The following TENM4 variants were observed in gnomAD, a reference collection of about 807,000 sequenced individuals.
TENM4 encodes the protein teneurin transmembrane protein 4.
TENM4 carries 82 observed loss-of-function variants against 243.3 expected under a neutral mutation model. The observed-to-expected ratio is 0.34, with a 90% confidence interval of 0.28 to 0.40. The LOEUF (loss-of-function observed/expected upper bound fraction) is 0.40. Among genes scored for constraint, TENM4 ranks in the 10% least tolerant of loss-of-function variants. The pLI is 1.00. For missense variants in TENM4, 3,138 were observed against 3,673.3 expected (o/e 0.85, Z 3.77); for synonymous variants, 1,412 against 1,456.3 (o/e 0.97, Z 0.69).
Position 79,437,427 on chromosome 11 carries a change from C to T in TENM4, c.-321+3082G>A, listed in dbSNP as rs575631210. Among the ~76,000 whole-genome samples, 4 of 152,296 alleles carry T rather than the reference C, an allele frequency of 2.6e-5. No individual in the cohort carries two copies. In the East Asian group the frequency reaches 7.8e-4, roughly 30 times the overall value. On this transcript the variant is annotated intron_variant, in intron 1 of 33. Coordinates refer to ENST00000278550, the MANE Select transcript of TENM4 (RefSeq NM_001098816.3). ...GCCGGGGACGGGAGAAAGGCGCGGC[C>T]GGGACCCTGCACTGTGCCGCGCGGC...
At chr11:79,074,387 T>G (rs1373153491) in intron 4 of TENM4, among the ~76,000 whole-genome samples, 1 of 152,228 alleles carries the variant, frequency 6.6e-6, no homozygotes, top group East Asian at 1.9e-4. Context: ...GGGGCCCACC[T>G]CAGACCCTGC....
chr11:78,746,952 G>A (rs1188288966), intron 19 of TENM4, among the ~76,000 whole-genome samples: 1 of 152,208 alleles, frequency 6.6e-6, no homozygotes, highest in Non-Finnish European at 1.5e-5. Context: ...GGACAGGGCA[G>A]GTCCTGCTTC....
At chr11:79,136,127 C>T (rs892470093) in intron 4 of TENM4, among the ~76,000 whole-genome samples, 1 of 151,910 alleles carries the variant, frequency 6.6e-6, no homozygotes, top group Non-Finnish European at 1.5e-5. Context: ...TCTCACAAAT[C>T]ACCACTAAAG....
chr11:79,242,992 GGGGCTAGGAA>G (rs1855450648), intron 2 of TENM4, among the ~76,000 whole-genome samples: 1 of 152,250 alleles, frequency 6.6e-6, no homozygotes. Flanking sequence ...TCGGGGCCTG[GGGGCTAGGAA>G]GGGTTTTCAT....
At position 79,203,347 on chromosome 11, in the gene TENM4, G is replaced by A. The variant is rs554898835; in HGVS notation, c.-163+12461C>T. Among the ~76,000 whole-genome samples, 3 of 152,254 alleles carry A rather than the reference G, an allele frequency of 2.0e-5. No homozygotes were observed. In the South Asian group the frequency reaches 6.2e-4, roughly 32 times the overall value. On this transcript the variant is annotated intron_variant, in intron 3 of 33. Transcript: ENST00000278550. ...CAACATTATTCATAATAGCATAAAG[G>A]TGAAAACAACCCAAATGTCCATCAG...
At chr11:78,990,063 T>TAAAAAAAAAAAAAAAAAAAAAAAAAAA (rs780530657) in intron 6 of TENM4, among the ~76,000 whole-genome samples, 1 of 139,006 alleles carries the variant, frequency 7.2e-6, no homozygotes, top group African/African-American at 2.7e-5. Context: ...AGGCTTTGTT[T>TAAAAAAAAAAAAAAAAAAAAAAAAAAA]AAAAAAAAAA....
At chr11:79,023,093 A>C (rs886231189) in intron 6 of TENM4, among the ~76,000 whole-genome samples, 2 of 152,130 alleles carry the variant, frequency 1.3e-5, no homozygotes, top group Non-Finnish European at 2.9e-5. Context: ...TAACCACTTC[A>C]TTTGTTTACT....
intron 1 of TENM4, among the ~76,000 whole-genome samples, chr11:79,409,863 G>A (rs1434489735): frequency 6.6e-6 from 1 of 152,192 alleles, no homozygotes; most frequent in Admixed American, 6.5e-5. Flanking sequence ...CAGCAAATGT[G>A]TCAGTGTCCC....
chr11:78,695,137 C>T (rs1259396841), intron 28 of TENM4, among the ~76,000 whole-genome samples: 3 of 149,904 alleles, frequency 2.0e-5, no homozygotes, highest in Non-Finnish European at 4.4e-5. Flanking sequence ...CCCTTGAACT[C>T]CTGGGCTGAA....
At chr11:79,358,708 C>A (rs1857538612) in intron 1 of TENM4, among the ~76,000 whole-genome samples, 1 of 144,930 alleles carries the variant, frequency 6.9e-6, no homozygotes, top group Non-Finnish European at 1.5e-5. Flanking sequence ...GCCTCCCTCC[C>A]TCTCTCCCTC....
chr11:79,188,508 A>C (rs1863417222), intron 3 of TENM4, among the ~76,000 whole-genome samples: 1 of 151,944 alleles, frequency 6.6e-6, no homozygotes, highest in African/African-American at 2.4e-5. Context: ...GAAAAGGGAA[A>C]AGAGAGGAGG....
At chr11:79,170,393 A>G (rs1034073885) in intron 3 of TENM4, among the ~76,000 whole-genome samples, 4 of 152,182 alleles carry the variant, frequency 2.6e-5, no homozygotes, top group Non-Finnish European at 5.9e-5. Flanking sequence ...GTCAAACAGC[A>G]TTGCCCAAAA....
chr11:79,050,249 A>G (rs1055479477), intron 6 of TENM4, among the ~76,000 whole-genome samples: 4 of 152,154 alleles, frequency 2.6e-5, no homozygotes, highest in Non-Finnish European at 5.9e-5. Flanking sequence ...AAATCTGGGG[A>G]AAAAAGTGAC....
At chr11:79,221,888 CT>C (rs1864163678) in intron 2 of TENM4, among the ~76,000 whole-genome samples, 1 of 152,152 alleles carries the variant, frequency 6.6e-6, no homozygotes, top group Non-Finnish European at 1.5e-5. Context: ...TGGACATGCC[CT>C]GGTGAGGCTG....
intron 9 of TENM4, among the ~76,000 whole-genome samples, chr11:78,885,174 G>A (rs993011500): frequency 3.9e-5 from 6 of 152,052 alleles, no homozygotes; most frequent in Non-Finnish European, 5.9e-5. Context: ...TGCCCCTTTC[G>A]ACATCATCTC....
In TENM4 at chr11:78,774,190, C is replaced by T. The variant is rs140744341; in HGVS notation, c.2393-3052G>A. On this transcript the variant is annotated intron_variant, in intron 17 of 33. Coordinates refer to ENST00000278550, the MANE Select transcript of TENM4 (RefSeq NM_001098816.3). The stretch of plus-strand genomic sequence containing the variant: ...ATTATTTATCACAGTGGGTAACATA[C>T]ATAGGGATTCAATAAATGAGAGCTG... Among the ~76,000 whole-genome samples the T allele has an allele frequency of 3.4e-3, 512 of 152,226 alleles. 3 individuals carry two copies. Among genetic ancestry groups the T allele is most frequent in the African/African-American group, 0.012 (487 of 41,554 alleles).
At chr11:79,208,854 A>T (rs1411775229) in intron 3 of TENM4, among the ~76,000 whole-genome samples, 1 of 152,136 alleles carries the variant, frequency 6.6e-6, no homozygotes, top group African/African-American at 2.4e-5. Flanking sequence ...TGTGCTTCTC[A>T]TTGCTCCTTT....
chr11:78,808,704 G>C (rs1441571976), intron 14 of TENM4, among the ~76,000 whole-genome samples: 1 of 152,132 alleles, frequency 6.6e-6, no homozygotes, highest in African/African-American at 2.4e-5. Context: ...AAAAGAAATA[G>C]AGCAATGTGG....
At chr11:79,221,429 T>A in intron 2 of TENM4, among the ~76,000 whole-genome samples, 1 of 151,246 alleles carries the variant, frequency 6.6e-6, no homozygotes. Context: ...GCTTGTGGAC[T>A]CAAAGACCAA....
Sources: gnomAD v4.1 joint callset for allele counts (sites outside exome capture counted in the v4.1 genomes callset) on GRCh38, gnomAD v4.1.1 for gene constraint, MANE v1.5 for transcripts, NCBI Gene and HGNC (gene_info 2026-07-23, HGNC 2026-07-21) for gene names.